The following MCU variants were observed in gnomAD, a reference collection of about 807,000 sequenced individuals.
MCU encodes the protein calcium uniporter protein, mitochondrial.
MCU carries 12 observed loss-of-function variants against 45.2 expected under a neutral mutation model. That is an observed-to-expected ratio of 0.27 (90% CI 0.17 to 0.43). MCU has a LOEUF of 0.43. Among genes scored for constraint, MCU ranks in the 20% least tolerant of loss-of-function variants. MCU has a pLI of 1.00. For synonymous variants in MCU, 160 were observed against 165.1 expected, an observed-to-expected ratio of 0.97 and a Z score of 0.24; for missense variants, 324 against 436.7, an observed-to-expected ratio of 0.74 and a Z score of 2.30.
chr10:72,829,892 G>A (rs78824085), intron 1 of MCU, among the ~76,000 whole-genome samples: 298 of 152,240 alleles, frequency 2.0e-3, no homozygotes, highest in African/African-American at 6.9e-3. Flanking sequence ...CTTCTGGAAA[G>A]TTTAAAGAAA....
At chr10:72,829,046 C>T (rs1844838925) in intron 1 of MCU, among the ~76,000 whole-genome samples, 1 of 152,178 alleles carries the variant, frequency 6.6e-6, no homozygotes, top group Non-Finnish European at 1.5e-5. Context: ...GGAGGCCGGG[C>T]GCCTTGGCTA....
chr10:72,874,221 C>G (rs2132890143), intron 6 of MCU, among the ~76,000 whole-genome samples: 1 of 152,200 alleles, frequency 6.6e-6, no homozygotes, highest in African/African-American at 2.4e-5. Flanking sequence ...AACCGAGGCT[C>G]CTTTATTGAA....
intron 1 of MCU, among the ~76,000 whole-genome samples, chr10:72,708,902 A>G (rs957409806): frequency 2.0e-5 from 3 of 152,186 alleles, no homozygotes; most frequent in African/African-American, 7.2e-5. Context: ...TTGTAATCCC[A>G]GCACTTTGGG....
intron 6 of MCU, among the ~76,000 whole-genome samples, chr10:72,876,131 T>TC (rs1448137530): frequency 6.6e-6 from 1 of 152,200 alleles, no homozygotes; most frequent in Non-Finnish European, 1.5e-5. Flanking sequence ...CCAATAACCG[T>TC]CATTTATATT....
chr10:72,735,252 AGT>A (rs1311832013), intron 1 of MCU, among the ~76,000 whole-genome samples: 1 of 152,098 alleles, frequency 6.6e-6, no homozygotes, highest in Non-Finnish European at 1.5e-5. Flanking sequence ...GTATTGTTAA[AGT>A]GTGTTGGGTT....
intron 1 of MCU, among the ~76,000 whole-genome samples, chr10:72,723,886 C>T (rs941938952): frequency 2.6e-5 from 4 of 152,212 alleles, no homozygotes; most frequent in African/African-American, 9.6e-5. Flanking sequence ...TCACAAGTAA[C>T]AGCCACAAAT....
chr10:72,858,280 G>A (rs552995699), intron 2 of MCU, among the ~76,000 whole-genome samples: 3 of 152,312 alleles, frequency 2.0e-5, no homozygotes, highest in Admixed American at 6.5e-5. Flanking sequence ...CATGGGTCCC[G>A]TGTACAAAAA....
intron 2 of MCU, among the ~76,000 whole-genome samples, chr10:72,838,101 T>A (rs1844982671): frequency 6.6e-6 from 1 of 151,826 alleles, no homozygotes; most frequent in Non-Finnish European, 1.5e-5. Flanking sequence ...GACCTTGTGA[T>A]CCACCCGCCT....
At chr10:72,699,380 G>A (rs890756875) in intron 1 of MCU, among the ~76,000 whole-genome samples, 23 of 152,004 alleles carry the variant, frequency 1.5e-4, no homozygotes, top group African/African-American at 5.3e-4. Flanking sequence ...GGTGGTGCGC[G>A]CCTGTAATCC....
At chr10:72,692,345 C>G (rs1206649082) in intron 1 of MCU, 44 bp downstream of exon 1, 3 of 1,184,780 alleles carry the variant, frequency 2.5e-6, no homozygotes, top group African/African-American at 1.6e-5. Context: ...CGGGGCGGCG[C>G]TGGCGTGTGG....
chr10:72,692,419 A>T (rs1224523309), intron 1 of MCU, 118 bp downstream of exon 1: 2 of 858,774 alleles, frequency 2.3e-6, no homozygotes, highest in African/African-American at 4.2e-5. Context: ...GCCGCTCCGG[A>T]GGTTGCCGGG....
intron 1 of MCU, among the ~76,000 whole-genome samples, chr10:72,785,749 A>G (rs1844062525): frequency 6.6e-6 from 1 of 152,266 alleles, no homozygotes; most frequent in Non-Finnish European, 1.5e-5. Flanking sequence ...ATTTGCAAGA[A>G]AAACATTATT....
chr10:72,804,069 T>TAA (rs1844389563), intron 1 of MCU, among the ~76,000 whole-genome samples: 1 of 62,454 alleles, frequency 1.6e-5, no homozygotes, highest in Non-Finnish European at 3.0e-5. Context: ...TATATATATA[T>TAA]ATATAAAATA....
intron 1 of MCU, among the ~76,000 whole-genome samples, chr10:72,751,341 C>CTTTTTTTTTTTTTTTTTTTTTTTTTTT (rs71021528): frequency 2.2e-5 from 1 of 44,742 alleles, no homozygotes; most frequent in African/African-American, 8.4e-5. Flanking sequence ...TCTTCTTCTT[C>CTTTTTTTTTTTTTTTTTTTTTTTTTTT]TTTTTTTTTT....
chr10:72,693,836 T>TTCCGTCG (rs1325889916), intron 1 of MCU, among the ~76,000 whole-genome samples: 18 of 152,280 alleles, frequency 1.2e-4, no homozygotes, highest in Admixed American at 1.2e-3. Flanking sequence ...GCATTCCCCT[T>TTCCGTCG]TCCGTCGAAC....
At chr10:72,784,221 C>G (rs1844038946) in intron 1 of MCU, among the ~76,000 whole-genome samples, 1 of 152,110 alleles carries the variant, frequency 6.6e-6, no homozygotes, top group Non-Finnish European at 1.5e-5. Flanking sequence ...GTATGTAATT[C>G]AGAGAGATTA....
intron 1 of MCU, among the ~76,000 whole-genome samples, chr10:72,786,004 C>T (rs1400037185): frequency 6.6e-6 from 1 of 152,016 alleles, no homozygotes. Context: ...GAAGATTGTC[C>T]GTAGAATAGG....
At chr10:72,705,580 G>A (rs941055895) in intron 1 of MCU, among the ~76,000 whole-genome samples, 6 of 152,318 alleles carry the variant, frequency 3.9e-5, no homozygotes, top group Non-Finnish European at 7.3e-5. Flanking sequence ...CACTTTGGGA[G>A]GCTGAGGCGG....
At chr10:72,714,352 T>TTTTTTTTTTTTTTTG (rs1842933057) in intron 1 of MCU, among the ~76,000 whole-genome samples, 1 of 126,240 alleles carries the variant, frequency 7.9e-6, no homozygotes, top group African/African-American at 3.1e-5. Flanking sequence ...GGTCTTTTTT[T>TTTTTTTTTTTTTTTG]TTTTTTTTTT....
Sources: gnomAD v4.1 joint callset for allele counts (sites outside exome capture counted in the v4.1 genomes callset) on GRCh38, gnomAD v4.1.1 for gene constraint, MANE v1.5 for transcripts, NCBI Gene and HGNC (gene_info 2026-07-23, HGNC 2026-07-21) for gene names.